Variants in OR8K3 observed in about 807,000 individuals in gnomAD.
OR8K3 encodes olfactory receptor 8K3.
For synonymous variants in OR8K3, 167 were observed against 138.8 expected, an observed-to-expected ratio of 1.20 and a Z score of -1.43; for missense variants, 448 against 367.4, an observed-to-expected ratio of 1.22 and a Z score of -1.79.
Position 56,319,417 on chromosome 11 carries a change from C to G in OR8K3, c.*172C>G, listed in dbSNP as rs1394375411. 5 of 574,624 alleles carry G rather than the reference C, an allele frequency of 8.7e-6. No individual in the cohort carries two copies. Among genetic ancestry groups the G allele is most frequent in the Non-Finnish European group, 1.5e-5 (5 of 324,620 alleles). The allele number at this position is 574,624 out of a possible 1,614,324, so 35.6% of individuals were successfully genotyped here. A position where few individuals can be genotyped will look rare whatever the true frequency, so the allele number is the denominator to read the frequency against. On this transcript the variant is annotated 3_prime_UTR_variant, in exon 3 of 3. Transcript: ENST00000641662. ...GATTAATAAACAAAATAGTAGAAAT[C>G]TTTGCCTTCCTTGATGGATAGATGA...
rs772119158 is a variant in OR8K3 at position 56,319,067 on chromosome 11, T to C, written c.761T>C (p.Leu254Ser). 6.2e-7 allele frequency: 1 copy of C among 1,614,028 alleles called. No individual in the cohort carries two copies. The highest frequency in any genetic ancestry group is 8.5e-7 in the Non-Finnish European group (1 of 1,180,028). ...LTVVIVFYGT[L>S]LFMYVQPKSS... Reference sequence around the variant, plus strand: ...GTGGTCATAGTGTTCTATGGGACTTTGCTTTTCATGTACGTGCAGCCCAAG... The same window carrying C: ...GTGGTCATAGTGTTCTATGGGACTTCGCTTTTCATGTACGTGCAGCCCAAG... Residue 254 changes from leucine to serine, a missense_variant, in exon 3 of 3, where the codon TTG (leucine) becomes TCG (serine). Coordinates refer to ENST00000641662, the MANE Select transcript of OR8K3 (RefSeq NM_001005202.2).
chr11:56,317,892 T>C (rs1014743046), intron 2 of OR8K3, among the ~76,000 whole-genome samples: 3 of 152,140 alleles, frequency 2.0e-5, no homozygotes, highest in Non-Finnish European at 4.4e-5. Context: ...TGTCTATTCA[T>C]GTATCTCATC....
At position 56,320,043 on chromosome 11, in the gene OR8K3, C is replaced by G. The variant is rs918598365; in HGVS notation, c.*798C>G. ...TCTTGCTTAATAACTGCCTTTTTCA[C>G]AGATTTTCCCGTTATTTATCTAAAA... On this transcript the variant is annotated 3_prime_UTR_variant, in exon 3 of 3. Transcript: ENST00000641662. The G allele has an allele frequency of 6.6e-6, 1 of 152,092 alleles. No individual in the cohort carries two copies. Among genetic ancestry groups the G allele is most frequent in the Non-Finnish European group, 1.5e-5 (1 of 68,016 alleles). 9.4% of individuals were successfully genotyped at this position (152,092 alleles called of 1,614,324 possible).
chr11:56,318,816 C>T lies in OR8K3; in HGVS notation c.510C>T (p.Gly170=). The change falls in exon 3 of 3, where the codon GGC becomes GGT. Residue 170 remains glycine, a synonymous_variant. Transcript: ENST00000641662. ...AGATTTTTACTTTATCCTTCTGTGGCTACAACGTCATTAGTCATTTCTACT... is the reference window on the plus strand; with the variant it reads ...AGATTTTTACTTTATCCTTCTGTGGTTACAACGTCATTAGTCATTTCTACT... ...TIKIFTLSFC[G]YNVISHFYCD... is the part of the protein sequence containing the mutation. 1.9e-6 allele frequency: 3 copies of T among 1,614,020 alleles called. No individual in the cohort carries two copies. The highest frequency in any genetic ancestry group is 2.5e-6 in the Non-Finnish European group (3 of 1,179,928).
At chr11:56,316,388 T>C (rs188611426) in intron 2 of OR8K3, among the ~76,000 whole-genome samples, 1 of 151,226 alleles carries the variant, frequency 6.6e-6, no homozygotes, top group African/African-American at 2.4e-5. Context: ...TTGTAAAAAC[T>C]ATTTTCTTTC....
intron 2 of OR8K3, among the ~76,000 whole-genome samples, chr11:56,316,443 T>G (rs917898651): frequency 6.6e-6 from 1 of 151,800 alleles, no homozygotes; most frequent in Non-Finnish European, 1.5e-5. Flanking sequence ...TTTTTTTAAC[T>G]AATAATGATT....
intron 2 of OR8K3, among the ~76,000 whole-genome samples, chr11:56,317,798 T>G (rs1165546839): frequency 6.6e-6 from 1 of 151,184 alleles, no homozygotes; most frequent in Non-Finnish European, 1.5e-5. Context: ...CATGAATATC[T>G]GTATCTCTTT....
rs745652127 is a variant in OR8K3 at position 56,319,154 on chromosome 11, T to G, written c.848T>G (p.Met283Arg). Residue 283 changes from methionine (M) to arginine (R), a missense_variant, in exon 3 of 3, where the codon ATG (methionine) becomes AGG (arginine). Physicochemically the swap from Met to Arg is moderately conservative, Grantham distance 91. Transcript: ENST00000641662. ...ASIFYTLVIPMLNPLIYSLRN... is the reference protein window; with the variant it reads ...ASIFYTLVIPRLNPLIYSLRN... ...ATATTTTACACCCTGGTTATCCCCA[T>G]GTTGAATCCCTTGATCTATAGTTTA... 3 of 1,613,416 alleles carry G rather than the reference T, an allele frequency of 1.9e-6. No homozygotes were observed.
In OR8K3 at chr11:56,319,343, T is replaced by C. The variant is rs1854494972; in HGVS notation, c.*98T>C. ...TAACAAGCATAACTGATTCAACATA[T>C]ATTTACATATGTCTCATACATGATA... On this transcript the variant is annotated 3_prime_UTR_variant, in exon 3 of 3. Transcript: ENST00000641662. 2 of 644,838 alleles carry C rather than the reference T, an allele frequency of 3.1e-6. No individual in the cohort carries two copies. Among genetic ancestry groups the C allele is most frequent in the African/African-American group, 1.8e-5 (1 of 54,656 alleles). 39.9% of individuals were successfully genotyped at this position (644,838 alleles called of 1,614,324 possible). A position where few individuals can be genotyped will look rare whatever the true frequency, so the allele number is the denominator to read the frequency against.
At chr11:56,316,778 T>G (rs995229726) in intron 2 of OR8K3, among the ~76,000 whole-genome samples, 6 of 151,972 alleles carry the variant, frequency 3.9e-5, no homozygotes, top group African/African-American at 1.4e-4. Flanking sequence ...AAAACCAATA[T>G]GAAGGACCAC....
chr11:56,318,506 CT>C lies in OR8K3; in HGVS notation c.203del (p.Phe68SerfsTer15), dbSNP rs1854475880. 3.1e-6 allele frequency: 5 copies of C among 1,614,004 alleles called. No homozygotes were observed. The highest frequency in any genetic ancestry group is 2.5e-6 in the Non-Finnish European group (3 of 1,179,898). ...TPMYFFLRHL[A>X]FMDLGYSTTV... ...ATGTACTTTTTTCTCAGACATCTGG[CT>C]TTCATGGATCTTGGTTATTCAACAA... On this transcript the variant is annotated frameshift_variant, in exon 3 of 3. Coordinates refer to ENST00000641662, the MANE Select transcript of OR8K3 (RefSeq NM_001005202.2). LOFTEE classifies it low-confidence loss of function (END_TRUNC).
intron 2 of OR8K3, among the ~76,000 whole-genome samples, chr11:56,317,912 C>T (rs1854466514): frequency 1.3e-5 from 2 of 152,084 alleles, no homozygotes; most frequent in South Asian, 4.1e-4. Context: ...CAGAGTTTCT[C>T]AACCTTAGCA....
At chr11:56,316,421 G>A (rs1178813490) in intron 2 of OR8K3, among the ~76,000 whole-genome samples, 1 of 109,130 alleles carries the variant, frequency 9.2e-6, no homozygotes, top group African/African-American at 3.4e-5. Flanking sequence ...AAAAAACATT[G>A]GGGCTTACGA....
rs368080695 is a variant in OR8K3 at position 56,318,278 on chromosome 11, T to C, written c.-23-6T>C. 2 of 1,507,202 alleles carry C rather than the reference T, an allele frequency of 1.3e-6. No homozygotes were observed. The highest frequency in any genetic ancestry group is 1.8e-6 in the Non-Finnish European group (2 of 1,088,814). The allele number at this position is 1,507,202 out of a possible 1,614,324, so 93.4% of individuals were successfully genotyped here. A position where few individuals can be genotyped will look rare whatever the true frequency, so the allele number is the denominator to read the frequency against. ...AAGCTATTGACAATGCCGATGTCTCTATCAGAATAGGTTTTCTGATGAACC... is the reference window on the plus strand; with the variant it reads ...AAGCTATTGACAATGCCGATGTCTCCATCAGAATAGGTTTTCTGATGAACC... On this transcript the variant is annotated splice_polypyrimidine_tract_variant and splice_region_variant and intron_variant, in intron 2 of 2. Transcript: ENST00000641662.
chr11:56,317,570 G>T (rs368084243), intron 2 of OR8K3, among the ~76,000 whole-genome samples: 17 of 152,104 alleles, frequency 1.1e-4, no homozygotes, highest in African/African-American at 4.1e-4. Context: ...AGAGATAAGG[G>T]TATTCACAGG....
chr11:56,316,747 T>C, intron 2 of OR8K3, among the ~76,000 whole-genome samples: 1 of 151,980 alleles, frequency 6.6e-6, no homozygotes, highest in East Asian at 1.9e-4. Context: ...AAAAAGTAGC[T>C]TTTACTAATT....
chr11:56,316,447 A>G (rs1224767227), intron 2 of OR8K3, among the ~76,000 whole-genome samples: 1 of 151,830 alleles, frequency 6.6e-6, no homozygotes, highest in Non-Finnish European at 1.5e-5. Context: ...TTTAACTAAT[A>G]ATGATTATCT....
chr11:56,319,611 A>G lies in OR8K3; in HGVS notation c.*366A>G. The stretch of plus-strand genomic sequence containing the variant: ...CCAGTGTTTTTTATCTGCTACTGGA[A>G]TAAAATTTACAGTGTGTGTGCTTCT... On this transcript the variant is annotated 3_prime_UTR_variant, in exon 3 of 3. Transcript: ENST00000641662. 5.3e-6 allele frequency: 1 copy of G among 187,812 alleles called. No homozygotes were observed. Among genetic ancestry groups the G allele is most frequent in the Non-Finnish European group, 1.1e-5 (1 of 89,696 alleles). The allele number at this position is 187,812 out of a possible 1,614,324, so 11.6% of individuals were successfully genotyped here.
chr11:56,315,459 A>C (rs17613463), intron 1 of OR8K3, among the ~76,000 whole-genome samples: 8,991 of 152,224 alleles, frequency 0.059, 361 homozygotes, highest in Non-Finnish European at 0.083. Context: ...TATTCATTTT[A>C]CATATTTTTC....
Sources: gnomAD v4.1 joint callset for allele counts (sites outside exome capture counted in the v4.1 genomes callset) on GRCh38, gnomAD v4.1.1 for gene constraint, MANE v1.5 for transcripts, NCBI Gene and HGNC (gene_info 2026-07-23, HGNC 2026-07-21) for gene names.